BNC2: variants seen among roughly 807,000 people sequenced by gnomAD.
The protein encoded by BNC2 is basonuclin zinc finger protein 2.
BNC2 carries 20 observed loss-of-function variants against 76.3 expected under a neutral mutation model. That is an observed-to-expected ratio of 0.26 (90% CI 0.18 to 0.38). The LOEUF is 0.38. BNC2 is among the 10% of genes least tolerant of loss of function. BNC2 has a pLI of 1.00. For synonymous variants in BNC2, 582 were observed against 514.8 expected (o/e 1.13, Z -1.77); for missense variants, 1,382 against 1,399.8 (o/e 0.99, Z 0.20).
chr9:16,434,923 C>T (rs1800408540), intron 6 of BNC2: 1 of 468,572 alleles, frequency 2.1e-6, no homozygotes, highest in African/African-American at 2.0e-5. Context: ...ACCATTTTCC[C>T]ACATCAACAA....
intron 3 of BNC2, among the ~76,000 whole-genome samples, chr9:16,604,481 C>T (rs1177250185): frequency 6.6e-6 from 1 of 152,060 alleles, no homozygotes; most frequent in Non-Finnish European, 1.5e-5. Context: ...ACGCTAAAAG[C>T]CACTGAATTA....
intron 1 of BNC2, among the ~76,000 whole-genome samples, chr9:16,763,887 T>C (rs902026249): frequency 6.6e-6 from 1 of 152,222 alleles, no homozygotes; most frequent in Admixed American, 6.5e-5. Flanking sequence ...CAGAGCTATA[T>C]ATGCACTGGT....
intron 5 of BNC2, among the ~76,000 whole-genome samples, chr9:16,551,105 C>T (rs371431698): frequency 3.3e-5 from 5 of 152,306 alleles, no homozygotes; most frequent in African/African-American, 1.2e-4. Flanking sequence ...CATCCTGAGG[C>T]AAATGAGATA....
At chr9:16,670,200 A>G (rs1366233703) in intron 3 of BNC2, among the ~76,000 whole-genome samples, 1 of 152,214 alleles carries the variant, frequency 6.6e-6, no homozygotes, top group Non-Finnish European at 1.5e-5. Context: ...TCCTAGGACC[A>G]TTGGAAAATG....
chr9:16,473,984 T>A (rs1369004470), intron 5 of BNC2, among the ~76,000 whole-genome samples: 4 of 152,212 alleles, frequency 2.6e-5, no homozygotes, highest in Admixed American at 6.5e-5. Flanking sequence ...GGGGCAGTCA[T>A]GTGATATTAT....
Position 16,452,702 on chromosome 9 carries a change from G to A in BNC2, c.670-15178C>T, listed in dbSNP as rs970771200. Among the ~76,000 whole-genome samples the A allele has an allele frequency of 1.4e-4, 22 of 152,122 alleles. 1 individual carries two copies. The highest frequency in any genetic ancestry group is 3.9e-4 in the Admixed American group (6 of 15,264). ...TGGGATCACAGGTGTGAGCCACCAC[G>A]CCTGGCAGAACCATTACAATTATAA... On this transcript the variant is annotated intron_variant, in intron 5 of 6. Coordinates refer to ENST00000380672, the MANE Select transcript of BNC2 (RefSeq NM_017637.6).
At chr9:16,420,419 A>C (rs1820685951) in intron 6 of BNC2, among the ~76,000 whole-genome samples, 1 of 152,084 alleles carries the variant, frequency 6.6e-6, no homozygotes, top group Admixed American at 6.5e-5. Context: ...TTCTACTTTA[A>C]AATTTAATTC....
chr9:16,646,054 C>T (rs1821613506), intron 3 of BNC2, among the ~76,000 whole-genome samples: 1 of 152,230 alleles, frequency 6.6e-6, no homozygotes. Flanking sequence ...CACTTGTACA[C>T]AGCAACACGT....
At chr9:16,538,719 G>T (rs1343021170) in intron 5 of BNC2, among the ~76,000 whole-genome samples, 1 of 152,082 alleles carries the variant, frequency 6.6e-6, no homozygotes, top group African/African-American at 2.4e-5. Flanking sequence ...TCAAAAAGTG[G>T]GGGCCAGGTT....
intron 1 of BNC2, 109 bp downstream of exon 1, chr9:16,870,537 G>A (rs1819656681): frequency 1.5e-6 from 2 of 1,319,746 alleles, no homozygotes; most frequent in East Asian, 5.3e-5. Flanking sequence ...CTCACGCCGC[G>A]GGCCGGAGGG....
chr9:16,512,621 T>C lies in BNC2; in HGVS notation c.669+39909A>G, dbSNP rs182988427. ...TGTTGTTTTACTTTATACATTTATT[T>C]GCGAGGTTAGTATGTGGACAAACAC... On this transcript the variant is annotated intron_variant, in intron 5 of 6. Transcript: ENST00000380672. Among the ~76,000 whole-genome samples, 99 of 152,354 alleles carry C rather than the reference T, an allele frequency of 6.5e-4. 1 individual carries two copies. In the Middle Eastern group the frequency reaches 0.024, roughly 37 times the overall value.
intron 3 of BNC2, 26 bp from the exon 4 acceptor site, chr9:16,583,111 G>A: frequency 6.4e-7 from 1 of 1,563,424 alleles, no homozygotes. Context: ...GGAAAAAAAG[G>A]TCAGCATCTG....
In BNC2 at chr9:16,412,792, C is replaced by T. The variant is rs1820499237; in HGVS notation, c.*6197G>A. The T allele has an allele frequency of 7.2e-6, 1 of 139,736 alleles. No individual in the cohort carries two copies. The highest frequency in any genetic ancestry group is 2.3e-4 in the South Asian group (1 of 4,330). The allele number at this position is 139,736 out of a possible 1,614,324, so 8.7% of individuals were successfully genotyped here. On this transcript the variant is annotated 3_prime_UTR_variant, in exon 7 of 7. Transcript: ENST00000380672. Reference sequence around the variant, plus strand: ...CTGACTGATTGTGGATGTGTGTGTACATCAGGGAACTCGATGGGAAAGCCT... The same window carrying T: ...CTGACTGATTGTGGATGTGTGTGTATATCAGGGAACTCGATGGGAAAGCCT...
At chr9:16,706,379 C>T (rs918864063) in intron 3 of BNC2, among the ~76,000 whole-genome samples, 1 of 152,180 alleles carries the variant, frequency 6.6e-6, no homozygotes, top group East Asian at 1.9e-4. Context: ...ACAAAGTCCC[C>T]TCTTTTTGCC....
intron 5 of BNC2, among the ~76,000 whole-genome samples, chr9:16,515,695 C>A (rs1166439096): frequency 4.7e-5 from 7 of 149,076 alleles, no homozygotes; most frequent in Non-Finnish European, 7.4e-5. Flanking sequence ...GAGTTCACTG[C>A]CCAGAGAAAA....
chr9:16,836,570 T>G (rs1563964516), intron 1 of BNC2, among the ~76,000 whole-genome samples: 1 of 151,498 alleles, frequency 6.6e-6, no homozygotes, highest in Non-Finnish European at 1.5e-5. Context: ...ATTTAATGTC[T>G]CCTTGATTCT....
chr9:16,668,758 T>C (rs1822380417), intron 3 of BNC2, among the ~76,000 whole-genome samples: 1 of 152,204 alleles, frequency 6.6e-6, no homozygotes, highest in Non-Finnish European at 1.5e-5. Context: ...AAGTGTGTAA[T>C]CTCTTTGACT....
chr9:16,773,631 C>A (rs73646247), intron 1 of BNC2, among the ~76,000 whole-genome samples: 3,734 of 152,136 alleles, frequency 0.025, 148 homozygotes, highest in African/African-American at 0.085. Flanking sequence ...GATAAAGGGG[C>A]TTGTCGCTAC....
intron 3 of BNC2, among the ~76,000 whole-genome samples, chr9:16,691,596 G>A (rs1823169651): frequency 6.8e-6 from 1 of 146,552 alleles, no homozygotes; most frequent in African/African-American, 2.6e-5. Context: ...TGAAAGCTGT[G>A]CCTCCTGGGT....
Sources: allele counts gnomAD v4.1 joint callset (sites outside exome capture counted in the v4.1 genomes callset), GRCh38; gene constraint gnomAD v4.1.1; transcripts MANE v1.5; gene names NCBI Gene and HGNC (gene_info 2026-07-23, HGNC 2026-07-21).